Variants in TRDN observed in about 807,000 individuals in gnomAD.
TRDN encodes triadin in skeletal muscle.
TRDN carries 161 observed loss-of-function variants against 149.7 expected under a neutral mutation model. The ratio of observed to expected loss-of-function variants is 1.08; its 90% CI spans 0.95 to 1.23. The LOEUF (loss-of-function observed/expected upper bound fraction) is 1.23. Among genes scored for constraint, TRDN ranks in the 50% most tolerant of loss-of-function variants. TRDN has a pLI of 0.00. For missense variants in TRDN, 896 were observed against 823.5 expected (o/e 1.09, Z -1.08); for synonymous variants, 294 against 250.5 (o/e 1.17, Z -1.64).
At chr6:123,234,442 A>G (rs954708342) in intron 38 of TRDN, among the ~76,000 whole-genome samples, 8 of 152,132 alleles carry the variant, frequency 5.3e-5, no homozygotes, top group South Asian at 2.1e-4. Flanking sequence ...CAGTTTGTAC[A>G]TATCTGTATT....
chr6:123,439,143 T>C (rs989530853), intron 10 of TRDN, 140 bp from the exon 11 acceptor site: 1 of 623,682 alleles, frequency 1.6e-6, no homozygotes, highest in African/African-American at 1.9e-5. Flanking sequence ...TCCCACTAAG[T>C]CTTATTTTCC....
intron 9 of TRDN, among the ~76,000 whole-genome samples, chr6:123,494,675 T>G (rs1778358785): frequency 6.6e-6 from 1 of 152,128 alleles, no homozygotes; most frequent in South Asian, 2.1e-4. Context: ...ATGTGTAGAG[T>G]ATGAATTTCT....
chr6:123,295,347 G>A (rs1237138697), intron 24 of TRDN, among the ~76,000 whole-genome samples: 2 of 152,156 alleles, frequency 1.3e-5, no homozygotes, highest in Non-Finnish European at 2.9e-5. Flanking sequence ...CTCTGCAGGA[G>A]CAGTCACAGA....
At chr6:123,421,806 A>C (rs1050659021) in intron 12 of TRDN, among the ~76,000 whole-genome samples, 1 of 43,608 alleles carries the variant, frequency 2.3e-5, no homozygotes, top group African/African-American at 1.2e-4. Context: ...CTTTCTCTAC[A>C]AAAAAAAAAA....
At chr6:123,293,814 C>T (rs58301661) in intron 24 of TRDN, among the ~76,000 whole-genome samples, 26,836 of 151,956 alleles carry the variant, frequency 0.18, 3,036 homozygotes, top group East Asian at 0.53. Context: ...ACATCAAAAA[C>T]TTGGAACAGA....
At chr6:123,575,535 T>C (rs1233366979) in intron 1 of TRDN, among the ~76,000 whole-genome samples, 1 of 152,048 alleles carries the variant, frequency 6.6e-6, no homozygotes, top group African/African-American at 2.4e-5. Context: ...TCTTGAAAGT[T>C]GGTATCTCAG....
At chr6:123,612,251 A>AT (rs1369114520) in intron 1 of TRDN, among the ~76,000 whole-genome samples, 2 of 98,090 alleles carry the variant, frequency 2.0e-5, no homozygotes, top group East Asian at 6.7e-4. Flanking sequence ...AGAAAAAAAA[A>AT]AGTTATCTGG....
chr6:123,305,491 T>C (rs150068738), intron 24 of TRDN, among the ~76,000 whole-genome samples: 25 of 152,260 alleles, frequency 1.6e-4, no homozygotes, highest in African/African-American at 6.0e-4. Flanking sequence ...TGCTCTGTCC[T>C]TAAAGCCCTA....
intron 12 of TRDN, among the ~76,000 whole-genome samples, chr6:123,410,761 G>C (rs1388300996): frequency 6.6e-6 from 1 of 152,010 alleles, no homozygotes; most frequent in African/African-American, 2.4e-5. Context: ...AATAGAATGT[G>C]TAATTAAAAG....
At chr6:123,614,742 A>C (rs1290312605) in intron 1 of TRDN, among the ~76,000 whole-genome samples, 3 of 152,092 alleles carry the variant, frequency 2.0e-5, no homozygotes, top group Non-Finnish European at 4.4e-5. Context: ...GTCTGGGAAA[A>C]CATTTTATGG....
intron 21 of TRDN, chr6:123,352,047 G>A (rs1258253651): frequency 1.6e-5 from 16 of 977,608 alleles, no homozygotes; most frequent in Non-Finnish European, 1.8e-5. Context: ...TGGGAGAATG[G>A]TTGAAGTCAT....
intron 23 of TRDN, among the ~76,000 whole-genome samples, chr6:123,317,417 T>G (rs544974449): frequency 1.3e-5 from 2 of 151,940 alleles, no homozygotes; most frequent in Non-Finnish European, 2.9e-5. Flanking sequence ...AGTCTAGCAG[T>G]GTCTCATTTT....
intron 38 of TRDN, among the ~76,000 whole-genome samples, chr6:123,225,315 A>G (rs145530567): frequency 3.3e-5 from 5 of 151,920 alleles, no homozygotes; most frequent in Non-Finnish European, 5.9e-5. Flanking sequence ...TATAGAAAGC[A>G]GTATGGAGGT....
intron 24 of TRDN, among the ~76,000 whole-genome samples, chr6:123,283,918 G>A (rs1156259190): frequency 7.4e-6 from 1 of 135,338 alleles, no homozygotes; most frequent in African/African-American, 2.8e-5. Flanking sequence ...TTTTTTCATT[G>A]GTAATTTTTT....
chr6:123,511,559 A>G (rs767779517), intron 7 of TRDN, among the ~76,000 whole-genome samples: 1 of 152,192 alleles, frequency 6.6e-6, no homozygotes, highest in Non-Finnish European at 1.5e-5. Context: ...TACTGGTCAA[A>G]AATTGTGAAC....
intron 8 of TRDN, chr6:123,498,317 A>T: frequency 1.1e-5 from 3 of 273,914 alleles, no homozygotes; most frequent in Non-Finnish European, 2.2e-5. Context: ...GGATTTTTGT[A>T]AATCTCGTTC....
intron 26 of TRDN, among the ~76,000 whole-genome samples, chr6:123,276,440 A>T (rs762543852): frequency 6.6e-6 from 1 of 152,180 alleles, no homozygotes; most frequent in Non-Finnish European, 1.5e-5. Context: ...AAAGTATGGA[A>T]GGTGCAAACT....
At chr6:123,297,806 C>T (rs775898788) in intron 24 of TRDN, among the ~76,000 whole-genome samples, 13 of 152,048 alleles carry the variant, frequency 8.5e-5, no homozygotes, top group Non-Finnish European at 1.6e-4. Flanking sequence ...TTTTCCACTA[C>T]TGAGTCACAT....
intron 11 of TRDN, 128 bp downstream of exon 11, chr6:123,438,816 T>C (rs1774725563): frequency 3.0e-6 from 2 of 665,126 alleles, no homozygotes; most frequent in South Asian, 2.4e-5. Context: ...ATGTTAAGAG[T>C]GTTCACTAAT....
Sources: gnomAD v4.1 joint callset for allele counts (sites outside exome capture counted in the v4.1 genomes callset) on GRCh38, gnomAD v4.1.1 for gene constraint, MANE v1.5 for transcripts, NCBI Gene and HGNC (gene_info 2026-07-23, HGNC 2026-07-21) for gene names.